The following USP48 variants were observed in gnomAD, a reference collection of about 807,000 sequenced individuals.
USP48 encodes ubiquitin carboxyl-terminal hydrolase 48.
Under a neutral mutation model 150.7 loss-of-function variants are expected in USP48, and 43 were observed. The ratio of observed to expected loss-of-function variants is 0.29; its 90% CI spans 0.22 to 0.37. The LOEUF is 0.37. USP48 is among the 10% of genes least tolerant of loss of function. USP48 has a pLI of 1.00. For synonymous variants in USP48, 396 were observed against 425.9 expected, an observed-to-expected ratio of 0.93 and a Z score of 0.86; for missense variants, 813 against 1,249.6, an observed-to-expected ratio of 0.65 and a Z score of 5.27.
At chr1:21,763,772 G>C (rs2097855450) in intron 1 of USP48, among the ~76,000 whole-genome samples, 1 of 149,466 alleles carries the variant, frequency 6.7e-6, no homozygotes, top group Non-Finnish European at 1.5e-5. Context: ...CCGAGATCAT[G>C]CCATTGCACT....
At chr1:21,756,303 A>T (rs1272287653) in intron 3 of USP48, among the ~76,000 whole-genome samples, 1 of 151,232 alleles carries the variant, frequency 6.6e-6, no homozygotes, top group Non-Finnish European at 1.5e-5. Context: ...CAACATAGTG[A>T]AACGCTGTCT....
At chr1:21,695,024 C>G (rs372183336) in intron 23 of USP48, 42 bp downstream of exon 23, 9 of 1,563,160 alleles carry the variant, frequency 5.8e-6, no homozygotes, top group Non-Finnish European at 7.8e-6. Flanking sequence ...TCATAAAGGC[C>G]CTTTTAAGTC....
At chr1:21,688,051 TCA>T (rs944217651) in intron 24 of USP48, among the ~76,000 whole-genome samples, 2 of 152,120 alleles carry the variant, frequency 1.3e-5, no homozygotes, top group African/African-American at 4.8e-5. Flanking sequence ...AGCATACATT[TCA>T]CAGTTCAAAA....
At chr1:21,727,448 C>A (rs1381551508) in intron 11 of USP48, among the ~76,000 whole-genome samples, 1 of 152,160 alleles carries the variant, frequency 6.6e-6, no homozygotes, top group African/African-American at 2.4e-5. Context: ...CACATAACAT[C>A]TTTGAACTCT....
intron 12 of USP48, 46 bp downstream of exon 12, chr1:21,723,851 AT>A: frequency 6.5e-7 from 1 of 1,535,962 alleles, no homozygotes; most frequent in East Asian, 2.2e-5. Context: ...TAAGATGAAG[AT>A]TTAATGAGCT....
intron 1 of USP48, among the ~76,000 whole-genome samples, chr1:21,760,491 G>A (rs1229193413): frequency 1.3e-5 from 2 of 151,926 alleles, no homozygotes; most frequent in Non-Finnish European, 2.9e-5. Flanking sequence ...CCAGGTGGGC[G>A]GATCACAAAG....
intron 11 of USP48, among the ~76,000 whole-genome samples, chr1:21,727,414 A>T (rs761163787): frequency 2.4e-4 from 36 of 152,252 alleles, no homozygotes; most frequent in Non-Finnish European, 1.5e-5. Flanking sequence ...GAAAACAGCC[A>T]AAGGAAGCAC....
intron 1 of USP48, among the ~76,000 whole-genome samples, chr1:21,760,039 A>T (rs945805770): frequency 2.0e-5 from 3 of 152,204 alleles, no homozygotes; most frequent in Non-Finnish European, 2.9e-5. Flanking sequence ...TCTAATTGAC[A>T]CCACACACCT....
chr1:21,709,112 C>A (rs1321495660), intron 15 of USP48, among the ~76,000 whole-genome samples: 11 of 151,816 alleles, frequency 7.2e-5, no homozygotes, highest in Non-Finnish European at 5.9e-5. Context: ...TCTCGAACTT[C>A]TGGTTTTAAG....
At chr1:21,749,182 T>C (rs1236373188) in intron 6 of USP48, among the ~76,000 whole-genome samples, 1 of 152,178 alleles carries the variant, frequency 6.6e-6, no homozygotes, top group East Asian at 1.9e-4. Context: ...CATATTGTAC[T>C]TACCATATTG....
At chr1:21,756,164 A>T (rs551186676) in intron 3 of USP48, among the ~76,000 whole-genome samples, 8 of 149,136 alleles carry the variant, frequency 5.4e-5, no homozygotes, top group Admixed American at 6.7e-5. Flanking sequence ...AAACTGTCTT[A>T]AAAAAATAAT....
intron 1 of USP48, among the ~76,000 whole-genome samples, chr1:21,762,682 A>T (rs1161819786): frequency 6.6e-6 from 1 of 152,028 alleles, no homozygotes; most frequent in Non-Finnish European, 1.5e-5. Flanking sequence ...CCTGACCAAC[A>T]TGGTGAAACC....
In USP48 at chr1:21,765,901, CAAAAAAAAAAAAAAAAAAA is replaced by C. The variant is rs199539331; in HGVS notation, c.135-8137_135-8119del. Reference sequence around the variant, plus strand: ...GGGCAACAAAGTGAGACTCCATCTCCAAAAAAAAAAAAAAAAAAAAAAAAAAAAAAAAAAAAGGCAATTC... The same window carrying C: ...GGGCAACAAAGTGAGACTCCATCTCCAAAAAAAAAAAAAAAAAGGCAATTC... On this transcript the variant is annotated intron_variant, in intron 1 of 26. Transcript: ENST00000308271. 1.9e-3 allele frequency among the ~76,000 whole-genome samples: 211 copies of C among 112,148 alleles called. 1 individual carries two copies. The highest frequency in any genetic ancestry group is 8.1e-3 in the African/African-American group (198 of 24,340). The allele number at this position is 112,148 out of a possible 152,430, so 73.6% of individuals were successfully genotyped here.
At chr1:21,746,854 T>G (rs1375507201) in intron 8 of USP48, among the ~76,000 whole-genome samples, 1 of 152,246 alleles carries the variant, frequency 6.6e-6, no homozygotes, top group Non-Finnish European at 1.5e-5. Flanking sequence ...TACATATCGA[T>G]GAACCACCTC....
At position 21,728,642 on chromosome 1, in the gene USP48, G is replaced by C; in HGVS notation, c.1378C>G (p.Gln460Glu). The change falls in exon 11 of 27, where the codon CAA becomes GAA. Residue 460 changes from glutamine (Q) to glutamate (E), a missense_variant. Coordinates refer to ENST00000308271, the MANE Select transcript of USP48 (RefSeq NM_032236.8). ...TTTGCTTTTCCTTTATCCACACTTT[G>C]CTTACGCATCTCAGCCATTTCAATA... ...WCIEMAEMRK[Q>E]SVDKGKAKHE... is the part of the protein sequence containing the mutation. 2 of 1,614,084 alleles carry C rather than the reference G, an allele frequency of 1.2e-6. No individual in the cohort carries two copies. Among genetic ancestry groups the C allele is most frequent in the South Asian group, 1.1e-5 (1 of 91,084 alleles).
intron 8 of USP48, among the ~76,000 whole-genome samples, chr1:21,744,052 A>T (rs1300318638): frequency 6.6e-6 from 1 of 152,234 alleles, no homozygotes; most frequent in Non-Finnish European, 1.5e-5. Flanking sequence ...TATCAGCAGT[A>T]GCTGTCTTTA....
chr1:21,733,827 C>T (rs1488887781), intron 9 of USP48, among the ~76,000 whole-genome samples: 4 of 151,770 alleles, frequency 2.6e-5, no homozygotes, highest in African/African-American at 7.3e-5. Context: ...GGTCTCACTC[C>T]GTAGCCCAGG....
chr1:21,716,749 C>A (rs2097705451), intron 14 of USP48, among the ~76,000 whole-genome samples: 1 of 152,186 alleles, frequency 6.6e-6, no homozygotes, highest in Non-Finnish European at 1.5e-5. Flanking sequence ...TCCATGGGGG[C>A]CAGGCGTGGT....
At chr1:21,696,256 TGG>T (rs1165061004) in intron 22 of USP48, among the ~76,000 whole-genome samples, 3 of 152,106 alleles carry the variant, frequency 2.0e-5, no homozygotes, top group Admixed American at 6.5e-5. Flanking sequence ...CTGACTAAAA[TGG>T]AGAAACCCCC....
Sources: gnomAD v4.1 joint callset for allele counts (sites outside exome capture counted in the v4.1 genomes callset) on GRCh38, gnomAD v4.1.1 for gene constraint, MANE v1.5 for transcripts, NCBI Gene and HGNC (gene_info 2026-07-23, HGNC 2026-07-21) for gene names.